The following ASPH variants were observed in gnomAD, a reference collection of about 807,000 sequenced individuals.
The protein encoded by ASPH is aspartyl/asparaginyl beta-hydroxylase.
ASPH carries 100 observed loss-of-function variants against 118.4 expected under a neutral mutation model. That is an observed-to-expected ratio of 0.84 (90% CI 0.72 to 1.00). ASPH has a LOEUF of 1.00. ASPH is among the 50% of genes least tolerant of loss of function. The pLI is 0.00. For missense variants in ASPH, 920 were observed against 919.5 expected (o/e 1.00, Z -0.01); for synonymous variants, 315 against 325.6 (o/e 0.97, Z 0.35).
Position 61,633,674 on chromosome 8 carries a change from A to G in ASPH, c.934+9T>C, listed in dbSNP as rs892745530. Reference sequence around the variant, plus strand: ...AAAAGAGGAAAATACAACATACAAAATGTCATACCTGGTGGTACTTCCTGC... The same window carrying G: ...AAAAGAGGAAAATACAACATACAAAGTGTCATACCTGGTGGTACTTCCTGC... On this transcript the variant is annotated intron_variant, in intron 13 of 24. Coordinates refer to ENST00000379454, the MANE Select transcript of ASPH (RefSeq NM_004318.4). 1 of 1,592,662 alleles carries G rather than the reference A, an allele frequency of 6.3e-7. No homozygotes were observed. Among genetic ancestry groups the G allele is most frequent in the Admixed American group, 1.8e-5 (1 of 57,032 alleles).
chr8:61,642,776 C>T (rs553179112), intron 10 of ASPH, 112 bp downstream of exon 10: 6 of 895,468 alleles, frequency 6.7e-6, no homozygotes, highest in East Asian at 6.2e-5. Context: ...ACCCAGGAGG[C>T]GGAGGTTGTA....
At chr8:61,662,113 A>G (rs2151292058) in intron 3 of ASPH, among the ~76,000 whole-genome samples, 1 of 152,330 alleles carries the variant, frequency 6.6e-6, no homozygotes, top group African/African-American at 2.4e-5. Context: ...GTATCTAAAT[A>G]TTAAAGGATA....
chr8:61,579,419 C>T (rs1332046040), intron 15 of ASPH: 3 of 1,612,746 alleles, frequency 1.9e-6, no homozygotes, highest in Non-Finnish European at 2.5e-6. Context: ...GCAAAGAGAG[C>T]CGGCTGAAGT....
At chr8:61,546,884 T>A (rs1166109991) in intron 21 of ASPH, among the ~76,000 whole-genome samples, 1 of 152,178 alleles carries the variant, frequency 6.6e-6, no homozygotes, top group East Asian at 1.9e-4. Flanking sequence ...CCTCCACATA[T>A]CCATCAGCCA....
intron 3 of ASPH, among the ~76,000 whole-genome samples, chr8:61,670,154 A>T (rs1821682720): frequency 6.6e-6 from 1 of 152,148 alleles, no homozygotes; most frequent in South Asian, 2.1e-4. Flanking sequence ...GTATATAGAC[A>T]TGAAAAAAGT....
At chr8:61,614,765 T>C (rs988580122) in intron 14 of ASPH, among the ~76,000 whole-genome samples, 2 of 152,136 alleles carry the variant, frequency 1.3e-5, no homozygotes, top group African/African-American at 4.8e-5. Context: ...GCTGAGATTA[T>C]AGGCATTAGC....
intron 21 of ASPH, among the ~76,000 whole-genome samples, chr8:61,547,052 T>C (rs1207399939): frequency 2.0e-5 from 3 of 152,210 alleles, no homozygotes; most frequent in Non-Finnish European, 4.4e-5. Context: ...CCATCTAACC[T>C]GTAAGATACA....
At chr8:61,591,803 T>C (rs904277864) in intron 14 of ASPH, among the ~76,000 whole-genome samples, 7 of 152,098 alleles carry the variant, frequency 4.6e-5, no homozygotes, top group Middle Eastern at 3.4e-3. Context: ...CTCTTAACCA[T>C]TTTGCTATAT....
At chr8:61,588,154 C>G (rs1363316987) in intron 14 of ASPH, among the ~76,000 whole-genome samples, 2 of 152,162 alleles carry the variant, frequency 1.3e-5, no homozygotes, top group Non-Finnish European at 2.9e-5. Flanking sequence ...GCTATCTATG[C>G]TATATATAAA....
chr8:61,521,182 A>G (rs1000816234), intron 22 of ASPH, among the ~76,000 whole-genome samples: 2 of 152,224 alleles, frequency 1.3e-5, no homozygotes, highest in African/African-American at 4.8e-5. Context: ...TAGAAAGGCA[A>G]TTGAGCCACA....
chr8:61,505,040 C>T (rs1586138725), intron 24 of ASPH, among the ~76,000 whole-genome samples: 1 of 152,244 alleles, frequency 6.6e-6, no homozygotes, highest in African/African-American at 2.4e-5. Flanking sequence ...CCATAATTCC[C>T]ACATGCTGTG....
chr8:61,583,402 A>G (rs953784438), intron 15 of ASPH: 1 of 152,498 alleles, frequency 6.6e-6, no homozygotes, highest in Admixed American at 6.5e-5. Flanking sequence ...TCTACTAAAA[A>G]TACAAAAATT....
Position 61,674,807 on chromosome 8 carries a change from T to C in ASPH, c.322+6161A>G, listed in dbSNP as rs572743826. 6.6e-5 allele frequency among the ~76,000 whole-genome samples: 10 copies of C among 152,278 alleles called. No individual in the cohort carries two copies. In the South Asian group the frequency reaches 1.7e-3, roughly 25 times the overall value. Reference sequence around the variant, plus strand: ...ATTAGATATAGAAGACAAGAAATATTTGAAAAGTAGAAATTATAGTTAAAT... The same window carrying C: ...ATTAGATATAGAAGACAAGAAATATCTGAAAAGTAGAAATTATAGTTAAAT... On this transcript the variant is annotated intron_variant, in intron 3 of 24. Transcript: ENST00000379454.
At position 61,683,873 on chromosome 8, in the gene ASPH, C is replaced by T. The variant is rs370029743; in HGVS notation, c.253+166G>A. 126 of 774,256 alleles carry T rather than the reference C, an allele frequency of 1.6e-4. 2 individuals carry two copies. In the South Asian group the frequency reaches 2.0e-3, roughly 12 times the overall value. The allele number at this position is 774,256 out of a possible 1,614,324, so 48.0% of individuals were successfully genotyped here. ...CATTTAAAGAGTTCAAAAGACAATA[C>T]TCCAAGGTAACCTTCTTCATATCCC... On this transcript the variant is annotated intron_variant, in intron 2 of 24. Coordinates refer to ENST00000379454, the MANE Select transcript of ASPH (RefSeq NM_004318.4).
chr8:61,515,338 C>G (rs1810489925), intron 24 of ASPH, among the ~76,000 whole-genome samples: 1 of 152,166 alleles, frequency 6.6e-6, no homozygotes, highest in Admixed American at 6.6e-5. Context: ...AAACCGAGTT[C>G]CCAGTGTAAG....
At chr8:61,604,436 A>G (rs553635022) in intron 14 of ASPH, among the ~76,000 whole-genome samples, 1 of 152,308 alleles carries the variant, frequency 6.6e-6, no homozygotes, top group Non-Finnish European at 1.5e-5. Flanking sequence ...AAAAATTATA[A>G]TTTCTTATCA....
At chr8:61,613,000 G>A (rs1847933203) in intron 14 of ASPH, among the ~76,000 whole-genome samples, 2 of 152,184 alleles carry the variant, frequency 1.3e-5, no homozygotes, top group Non-Finnish European at 2.9e-5. Context: ...TGAAAGGGAA[G>A]GGGGTTAGTC....
rs536619012 is a variant in ASPH at position 61,547,123 on chromosome 8, G to A, written c.1764+948C>T. Among the ~76,000 whole-genome samples, 17 of 152,290 alleles carry A rather than the reference G, an allele frequency of 1.1e-4. No homozygotes were observed. The East Asian group carries it at 3.1e-3, about 28-fold the overall frequency. ...TTGGAACTATGAGTTAATTAACTGT[G>A]AGTCTCATTTTATGACTGTCTAAGA... On this transcript the variant is annotated intron_variant, in intron 21 of 24. Transcript: ENST00000379454.
intron 13 of ASPH, 146 bp downstream of exon 13, chr8:61,633,537 T>C (rs1856500206): frequency 1.5e-6 from 1 of 660,772 alleles, no homozygotes; most frequent in Non-Finnish European, 2.4e-6. Context: ...GTTGAACTGA[T>C]CAAAACAGAA....
Sources: allele counts gnomAD v4.1 joint callset (sites outside exome capture counted in the v4.1 genomes callset), GRCh38; gene constraint gnomAD v4.1.1; transcripts MANE v1.5; gene names NCBI Gene and HGNC (gene_info 2026-07-23, HGNC 2026-07-21).